The following LAMA2 variants were observed in gnomAD, a reference collection of about 807,000 sequenced individuals.
LAMA2 encodes laminin subunit alpha-2.
LAMA2 carries 269 observed loss-of-function variants against 364.8 expected under a neutral mutation model. The observed-to-expected ratio is 0.74, with a 90% CI of 0.67 to 0.82. LAMA2 has a LOEUF of 0.82. Ranked by LOEUF, LAMA2 falls within the 40% of genes least tolerant of loss-of-function variation. LAMA2 has a pLI of 0.00. For missense variants in LAMA2, 3,807 were observed against 3,873.2 expected (o/e 0.98, Z 0.45); for synonymous variants, 1,379 against 1,370.6 (o/e 1.01, Z -0.14).
At chr6:129,084,099 A>T (rs967200115) in intron 3 of LAMA2, among the ~76,000 whole-genome samples, 1 of 152,188 alleles carries the variant, frequency 6.6e-6, no homozygotes, top group Non-Finnish European at 1.5e-5. Context: ...ACAAGTTAAT[A>T]TGTCACTCTG....
At chr6:129,364,043 T>C (rs547938238) in intron 32 of LAMA2, among the ~76,000 whole-genome samples, 3 of 152,264 alleles carry the variant, frequency 2.0e-5, no homozygotes, top group East Asian at 3.9e-4. Flanking sequence ...GCCTCTTTGT[T>C]CATTCAGCTT....
chr6:129,385,107 G>GAA (rs1328579390), intron 35 of LAMA2, among the ~76,000 whole-genome samples: 1 of 242 alleles, frequency 4.1e-3, no homozygotes, highest in African/African-American at 0.013. Flanking sequence ...AGGAAGGAAG[G>GAA]GAGGGAGGGA....
rs376580266 is a variant in LAMA2, at chr6:129,288,044, C to T, written c.2735C>T (p.Ala912Val). Residue 912 changes from alanine (A) to valine (V), a missense_variant, in exon 19 of 65, where the codon GCG becomes GTG. Physicochemically the swap from Ala to Val is moderately conservative, Grantham distance 64. Around this residue, in one of 3 missense-constraint regions of LAMA2, gnomAD observed 3,333 missense variants for 3,345.7 expected, o/e 1.00. Transcript: ENST00000421865. ...ADGYFGDAVD[A>V]KNCQPCRCNA... ...GGATATTTTGGAGATGCAGTTGATG[C>T]GAAGAACTGTCAGCGTAAGTCCTGA... 42 of 1,613,548 alleles carry T rather than the reference C, an allele frequency of 2.6e-5. No individual in the cohort carries two copies. The highest frequency in any genetic ancestry group is 1.8e-4 in the South Asian group (16 of 91,074).
chr6:129,204,785 T>A (rs766195364), intron 12 of LAMA2, among the ~76,000 whole-genome samples: 1 of 152,148 alleles, frequency 6.6e-6, no homozygotes, highest in African/African-American at 2.4e-5. Flanking sequence ...TTGTTATATA[T>A]ATATAAAACA....
At chr6:128,883,479 C>G (rs983343861) in intron 1 of LAMA2, 122 bp downstream of exon 1, 4 of 1,487,368 alleles carry the variant, frequency 2.7e-6, no homozygotes, top group Non-Finnish European at 2.7e-6. Flanking sequence ...AGAGAGTGCG[C>G]TCTGGGGCAA....
intron 51 of LAMA2, among the ~76,000 whole-genome samples, chr6:129,465,701 A>G (rs1193496633): frequency 6.6e-6 from 1 of 151,930 alleles, no homozygotes; most frequent in Non-Finnish European, 1.5e-5. Context: ...ATTGCCAAAC[A>G]TTTGTATGCC....
intron 41 of LAMA2, among the ~76,000 whole-genome samples, chr6:129,434,373 TGAG>T: frequency 6.6e-6 from 1 of 152,212 alleles, no homozygotes; most frequent in East Asian, 1.9e-4. Context: ...TTCTACTCTA[TGAG>T]GAGGAGATGA....
chr6:129,184,308 G>A (rs1781104053), intron 10 of LAMA2, among the ~76,000 whole-genome samples: 1 of 151,904 alleles, frequency 6.6e-6, no homozygotes, highest in Non-Finnish European at 1.5e-5. Context: ...CTAAATTACA[G>A]ATGTAGAATT....
At chr6:128,981,562 C>T (rs185861830) in intron 1 of LAMA2, among the ~76,000 whole-genome samples, 9 of 133,706 alleles carry the variant, frequency 6.7e-5, no homozygotes, top group Admixed American at 3.4e-4. Context: ...GGGCAATATG[C>T]GAAACCCCAT....
intron 1 of LAMA2, among the ~76,000 whole-genome samples, chr6:128,956,366 T>C (rs1245135159): frequency 6.6e-6 from 1 of 152,028 alleles, no homozygotes; most frequent in African/African-American, 2.4e-5. Flanking sequence ...AGGGAATTTT[T>C]TTAAAAAGTT....
At chr6:128,948,317 G>T (rs1780605018) in intron 1 of LAMA2, among the ~76,000 whole-genome samples, 1 of 152,102 alleles carries the variant, frequency 6.6e-6, no homozygotes, top group Non-Finnish European at 1.5e-5. Context: ...CATCAACAAA[G>T]ATATTATACT....
chr6:129,130,079 C>T (rs1158296412), intron 4 of LAMA2, among the ~76,000 whole-genome samples: 6 of 152,070 alleles, frequency 3.9e-5, no homozygotes, highest in Non-Finnish European at 5.9e-5. Context: ...AGTGAAAGAG[C>T]TTAATTATAA....
chr6:129,181,480 T>C lies in LAMA2; in HGVS notation c.1467+3614T>C, dbSNP rs1435845763. ...AGGAATAGAAAAAAGTAATATAAAA[T>C]AGACGCTATATTAAAATTCAAAAGT... On this transcript the variant is annotated intron_variant, in intron 10 of 64. Coordinates refer to ENST00000421865, the MANE Select transcript of LAMA2 (RefSeq NM_000426.4). Among the ~76,000 whole-genome samples, 3 of 151,794 alleles carry C rather than the reference T, an allele frequency of 2.0e-5. No homozygotes were observed. The East Asian group carries it at 5.8e-4, about 29-fold the overall frequency.
intron 61 of LAMA2, among the ~76,000 whole-genome samples, chr6:129,505,812 C>A (rs1052386378): frequency 1.3e-4 from 19 of 151,798 alleles, no homozygotes; most frequent in African/African-American, 4.4e-4. Context: ...GATTACAGGC[C>A]TGAGCCACCT....
At chr6:129,489,358 C>G (rs1446966709) in intron 56 of LAMA2, among the ~76,000 whole-genome samples, 1 of 133,628 alleles carries the variant, frequency 7.5e-6, no homozygotes, top group Non-Finnish European at 1.6e-5. Context: ...TCTCTCCCTT[C>G]CACCCCTTCA....
chr6:128,946,131 G>A (rs1403383981), intron 1 of LAMA2, among the ~76,000 whole-genome samples: 3 of 148,314 alleles, frequency 2.0e-5, no homozygotes, highest in Non-Finnish European at 4.5e-5. Flanking sequence ...TCTCTAGGTC[G>A]ACAGGAACTG....
chr6:129,192,808 G>A lies in LAMA2; in HGVS notation c.1737G>A (p.Pro579=), dbSNP rs149000261. ...ISNAEARQAL[P]HSYYWSAPAP... ...ACGCGGAGGCCCGGCAAGCCCTGCC[G>A]CACAGCTACTACTGGAGCGCGCCGG... The change falls in exon 12 of 65, where the codon CCG becomes CCA. Residue 579 remains proline, a synonymous_variant. Transcript: ENST00000421865. The A allele has an allele frequency of 5.0e-6, 8 of 1,614,044 alleles. No individual in the cohort carries two copies. In the Admixed American group the frequency reaches 1.0e-4, roughly 20 times the overall value.
intron 12 of LAMA2, among the ~76,000 whole-genome samples, chr6:129,212,923 G>A (rs1783192883): frequency 6.6e-6 from 1 of 152,124 alleles, no homozygotes. Flanking sequence ...TTATTATGAT[G>A]TCCTAGAGGT....
intron 33 of LAMA2, among the ~76,000 whole-genome samples, chr6:129,368,634 C>T (rs772907814): frequency 2.6e-5 from 4 of 152,108 alleles, no homozygotes; most frequent in Non-Finnish European, 5.9e-5. Flanking sequence ...AAAGAGGATC[C>T]TATAGAAGAG....
Sources: allele counts gnomAD v4.1 joint callset (sites outside exome capture counted in the v4.1 genomes callset), GRCh38; gene constraint gnomAD v4.1.1; regional missense constraint gnomAD v4.1.1; transcripts MANE v1.5; gene names NCBI Gene and HGNC (gene_info 2026-07-23, HGNC 2026-07-21).